SERGEF: variants seen among roughly 807,000 people sequenced by gnomAD.
The protein encoded by SERGEF is secretion regulating guanine nucleotide exchange factor, also known as secretion-regulating guanine nucleotide exchange factor.
In SERGEF, 51 loss-of-function variants were observed where a neutral mutation model predicts 50.0. The ratio of observed to expected loss-of-function variants is 1.02; its 90% CI spans 0.81 to 1.29. SERGEF has a LOEUF of 1.29. Among genes scored for constraint, SERGEF ranks in the 50% most tolerant of loss-of-function variants. The pLI, the probability that SERGEF is intolerant of heterozygous loss-of-function variation, is 0.00. For synonymous variants in SERGEF, 205 were observed against 212.4 expected (o/e 0.97, Z 0.30); for missense variants, 521 against 557.0 (o/e 0.94, Z 0.65).
intron 10 of SERGEF, among the ~76,000 whole-genome samples, chr11:17,800,199 T>C (rs1290850557): frequency 1.3e-5 from 2 of 152,316 alleles, no homozygotes; most frequent in African/African-American, 2.4e-5. Context: ...TGTAGGTTCA[T>C]AGTAAAATTA....
At chr11:17,942,620 C>A (rs1025336666) in intron 9 of SERGEF, among the ~76,000 whole-genome samples, 1 of 152,100 alleles carries the variant, frequency 6.6e-6, no homozygotes, top group African/African-American at 2.4e-5. Context: ...CTTTATGGCA[C>A]TGGCTAGAAC....
intron 6 of SERGEF, 57 bp downstream of exon 6, chr11:17,995,739 T>G: frequency 8.4e-7 from 1 of 1,194,848 alleles, no homozygotes; most frequent in Admixed American, 1.9e-5. Context: ...TCTGCATGTT[T>G]ATGTCTCTAC....
intron 10 of SERGEF, among the ~76,000 whole-genome samples, chr11:17,813,288 A>G (rs1565174278): frequency 1.3e-5 from 2 of 152,160 alleles, no homozygotes; most frequent in South Asian, 4.1e-4. Context: ...GATGAGGTGG[A>G]GTTTTGTTTC....
intron 9 of SERGEF, among the ~76,000 whole-genome samples, chr11:17,934,092 C>A (rs1033048499): frequency 6.6e-6 from 1 of 151,950 alleles, no homozygotes; most frequent in Admixed American, 6.6e-5. Context: ...ATAAAAAAAA[C>A]TAGAATTTTT....
intron 10 of SERGEF, among the ~76,000 whole-genome samples, chr11:17,848,831 T>G (rs1850663649): frequency 6.6e-6 from 1 of 152,232 alleles, no homozygotes; most frequent in East Asian, 1.9e-4. Flanking sequence ...TCAAGGCTCT[T>G]GATAATAGCT....
intron 10 of SERGEF, among the ~76,000 whole-genome samples, chr11:17,807,292 C>T (rs1245285351): frequency 6.6e-6 from 1 of 151,848 alleles, no homozygotes; most frequent in African/African-American, 2.4e-5. Flanking sequence ...CCGGCAGTGC[C>T]ATGCCAGGCT....
intron 10 of SERGEF, among the ~76,000 whole-genome samples, chr11:17,851,613 C>G (rs1161400025): frequency 6.6e-6 from 1 of 152,116 alleles, no homozygotes. Context: ...GTCATGAAGT[C>G]AGCCATACTA....
In SERGEF at chr11:17,878,242, G is replaced by T. The variant is rs1851274668; in HGVS notation, c.1014C>A (p.Val338=). The part of the protein sequence containing the change: ...SPHCLTGATE[V]SCGSEHNLAI... ...CCAAATTATGCTCTGAGCCACAAGA[G>T]ACCTGTAAAAAAAAAAAAAGACAAA... The change falls in exon 10 of 11, where the codon GTC becomes GTA. Residue 338 remains valine (V), a splice_region_variant and synonymous_variant. Transcript: ENST00000265965. The T allele has an allele frequency of 1.3e-6, 2 of 1,544,266 alleles. No homozygotes were observed. Among genetic ancestry groups the T allele is most frequent in the African/African-American group, 1.5e-5 (1 of 66,000 alleles).
At chr11:17,982,041 G>A (rs1174782326) in intron 8 of SERGEF, among the ~76,000 whole-genome samples, 1 of 152,102 alleles carries the variant, frequency 6.6e-6, no homozygotes, top group Non-Finnish European at 1.5e-5. Flanking sequence ...CTGGGCTCAA[G>A]AGATCCACCT....
At chr11:17,875,386 G>A (rs1851221249) in intron 10 of SERGEF, among the ~76,000 whole-genome samples, 2 of 152,230 alleles carry the variant, frequency 1.3e-5, no homozygotes, top group Admixed American at 1.3e-4. Flanking sequence ...CAGCTGCACT[G>A]GCATCACCTG....
intron 8 of SERGEF, among the ~76,000 whole-genome samples, chr11:17,978,887 T>C (rs906447975): frequency 6.6e-6 from 1 of 152,216 alleles, no homozygotes; most frequent in African/African-American, 2.4e-5. Flanking sequence ...CTGGTGGCCC[T>C]GCAGGCCCAG....
chr11:17,905,352 C>T (rs1565200524), intron 9 of SERGEF, among the ~76,000 whole-genome samples: 1 of 152,200 alleles, frequency 6.6e-6, no homozygotes, highest in Non-Finnish European at 1.5e-5. Context: ...CACAGAATAG[C>T]ATAAAAGTGC....
intron 10 of SERGEF, among the ~76,000 whole-genome samples, chr11:17,816,195 G>GGT (rs1475266116): frequency 6.6e-6 from 1 of 152,104 alleles, no homozygotes; most frequent in Non-Finnish European, 1.5e-5. Flanking sequence ...TCAGCACCAT[G>GGT]GTGTCTCCTG....
chr11:17,859,322 A>C (rs756404882), intron 10 of SERGEF, among the ~76,000 whole-genome samples: 1 of 152,144 alleles, frequency 6.6e-6, no homozygotes, highest in Non-Finnish European at 1.5e-5. Flanking sequence ...GAACCTTAGA[A>C]ATTAAAAATA....
rs563565037 is a variant in SERGEF, at chr11:17,801,436, C to T, written c.1049-13023G>A. ...AACCAGGCAGTGCAGGAAGGTGGCT[C>T]AAAGTAGGCTGGTAGCAGTGGGGAC... is the stretch of plus-strand genomic sequence containing the variant. On this transcript the variant is annotated intron_variant, in intron 10 of 10. Coordinates refer to ENST00000265965, the MANE Select transcript of SERGEF (RefSeq NM_012139.4). Among the ~76,000 whole-genome samples the T allele has an allele frequency of 7.2e-5, 11 of 152,252 alleles. No homozygotes were observed. The East Asian group carries it at 9.7e-4, about 13-fold the overall frequency.
chr11:17,867,309 C>T (rs920527056), intron 10 of SERGEF, among the ~76,000 whole-genome samples: 1 of 152,148 alleles, frequency 6.6e-6, no homozygotes, highest in South Asian at 2.1e-4. Flanking sequence ...AGAAATTGGC[C>T]AAAACAAAGG....
intron 9 of SERGEF, among the ~76,000 whole-genome samples, chr11:17,895,977 C>A (rs947136597): frequency 1.3e-5 from 2 of 152,124 alleles, no homozygotes; most frequent in Non-Finnish European, 2.9e-5. Context: ...TACCTTATTT[C>A]ACTATTTCTC....
At chr11:17,997,499 C>T (rs1189268884) in intron 5 of SERGEF, among the ~76,000 whole-genome samples, 1 of 152,066 alleles carries the variant, frequency 6.6e-6, no homozygotes, top group Admixed American at 6.6e-5. Flanking sequence ...ATAGAATTAC[C>T]ATATGAACTA....
intron 8 of SERGEF, among the ~76,000 whole-genome samples, chr11:17,961,353 C>T (rs1323358859): frequency 6.6e-6 from 1 of 152,170 alleles, no homozygotes; most frequent in Non-Finnish European, 1.5e-5. Context: ...TGTCCCTCTA[C>T]CTGAGCTGGC....
Sources: gnomAD v4.1 joint callset for allele counts (sites outside exome capture counted in the v4.1 genomes callset) on GRCh38, gnomAD v4.1.1 for gene constraint, MANE v1.5 for transcripts, NCBI Gene and HGNC (gene_info 2026-07-23, HGNC 2026-07-21) for gene names.